The following LEF1 variants were observed in gnomAD, a reference collection of about 807,000 sequenced individuals.
The protein encoded by LEF1 is lymphoid enhancer binding factor 1.
LEF1 carries 14 observed loss-of-function variants against 51.2 expected under a neutral mutation model. That is an observed-to-expected ratio of 0.27 (90% CI 0.18 to 0.43). LEF1 has a LOEUF of 0.43. Ranked by LOEUF, LEF1 falls within the 20% of genes least tolerant of loss-of-function variation. The pLI is 1.00. For missense variants in LEF1, 386 were observed against 512.0 expected, an observed-to-expected ratio of 0.75 and a Z score of 2.37; for synonymous variants, 185 against 183.2, an observed-to-expected ratio of 1.01 and a Z score of -0.08.
At chr4:108,124,957 G>A (rs565690440) in intron 3 of LEF1, among the ~76,000 whole-genome samples, 3 of 152,036 alleles carry the variant, frequency 2.0e-5, no homozygotes, top group Non-Finnish European at 4.4e-5. Flanking sequence ...ATTCTTGACT[G>A]GTTATATCTG....
chr4:108,148,288 A>AC (rs5860902), intron 3 of LEF1, among the ~76,000 whole-genome samples: 121,517 of 151,188 alleles, frequency 0.8, 50,821 homozygotes, highest in East Asian at 0.95. Flanking sequence ...AAAAAAAAAA[A>AC]ATTTATCAAG....
In LEF1 at chr4:108,092,917, TAAAAAA is replaced by T. The variant is rs71592104; in HGVS notation, c.415-3666_415-3661del. On this transcript the variant is annotated intron_variant, in intron 3 of 11. Coordinates refer to ENST00000265165, the MANE Select transcript of LEF1 (RefSeq NM_016269.5). ...GTGGGTATTGGAAACAATGAATATGTAAAAAAAAAAAAAAAAAAAAAAAAAAAAAAA... is the reference window on the plus strand; with the variant it reads ...GTGGGTATTGGAAACAATGAATATGTAAAAAAAAAAAAAAAAAAAAAAAAA... 2.2e-4 allele frequency among the ~76,000 whole-genome samples: 7 copies of T among 31,142 alleles called. No individual in the cohort carries two copies. In the Middle Eastern group the frequency reaches 0.1, roughly 445 times the overall value. The allele number at this position is 31,142 out of a possible 152,430, so 20.4% of individuals were successfully genotyped here.
At chr4:108,059,295 T>C (rs1339864349) in intron 11 of LEF1, among the ~76,000 whole-genome samples, 8 of 152,204 alleles carry the variant, frequency 5.3e-5, no homozygotes, top group Admixed American at 5.2e-4. Flanking sequence ...TGGGAAGCAT[T>C]CCATGAAACC....
At chr4:108,166,052 A>G (rs1156741327) in intron 1 of LEF1, among the ~76,000 whole-genome samples, 1 of 152,118 alleles carries the variant, frequency 6.6e-6, no homozygotes, top group Non-Finnish European at 1.5e-5. Context: ...CAAATAGGAG[A>G]GTTTGGCAAA....
rs1169971346 is a variant in LEF1, at chr4:108,077,410, C to T, written c.1008+810G>A. 1.0e-4 allele frequency among the ~76,000 whole-genome samples: 15 copies of T among 146,522 alleles called. 1 individual carries two copies. The highest frequency in any genetic ancestry group is 3.5e-4 in the African/African-American group (14 of 39,998). On this transcript the variant is annotated intron_variant, in intron 8 of 11. Transcript: ENST00000265165. ...GTGAGGGGCACCTCTGCCCGGCTGCCGCCCCGTCTGGGAAGTGAGGGGCAC... is the reference window on the plus strand; with the variant it reads ...GTGAGGGGCACCTCTGCCCGGCTGCTGCCCCGTCTGGGAAGTGAGGGGCAC...
In LEF1 at chr4:108,079,499, T is replaced by C; in HGVS notation, c.838A>G (p.Met280Val). 1 of 1,614,070 alleles carries C rather than the reference T, an allele frequency of 6.2e-7. No homozygotes were observed. The highest frequency in any genetic ancestry group is 8.5e-7 in the Non-Finnish European group (1 of 1,179,986). The change falls in exon 7 of 12, where the codon ATG becomes GTG. Residue 280 changes from methionine to valine, a missense_variant. Around this residue, in one of 2 missense-constraint regions of LEF1, gnomAD observed 335 missense variants for 390.7 expected, o/e 0.86. Transcript: ENST00000265165. ...QEHPHTDSDL[M>V]HVKPQHEQRK... ...GCCCGGGTGGATACTTACACGTGCA[T>C]TAGGTCACTGTCAGTGTGGGGATGT...
intron 3 of LEF1, among the ~76,000 whole-genome samples, chr4:108,125,377 C>T (rs1163591210): frequency 6.6e-6 from 1 of 152,034 alleles, no homozygotes; most frequent in Non-Finnish European, 1.5e-5. Flanking sequence ...TGGCCAGGCT[C>T]ATCTAAAACC....
chr4:108,107,701 C>T (rs1313425490), intron 3 of LEF1, among the ~76,000 whole-genome samples: 2 of 152,100 alleles, frequency 1.3e-5, no homozygotes, highest in Non-Finnish European at 1.5e-5. Flanking sequence ...AACATTTTAG[C>T]TCTTCTGAAG....
At chr4:108,148,200 G>C (rs1744114621) in intron 3 of LEF1, among the ~76,000 whole-genome samples, 1 of 151,926 alleles carries the variant, frequency 6.6e-6, no homozygotes, top group Non-Finnish European at 1.5e-5. Context: ...CATTTCAAAT[G>C]CTCTATAAAT....
intron 3 of LEF1, among the ~76,000 whole-genome samples, chr4:108,136,885 A>G: frequency 6.6e-6 from 1 of 152,210 alleles, no homozygotes; most frequent in East Asian, 1.9e-4. Flanking sequence ...AAAACTAAAT[A>G]GCTACCAATA....
At chr4:108,124,695 A>C (rs1374456494) in intron 3 of LEF1, among the ~76,000 whole-genome samples, 1 of 152,106 alleles carries the variant, frequency 6.6e-6, no homozygotes, top group South Asian at 2.1e-4. Flanking sequence ...CGAAACATCC[A>C]AGTAGGAAAG....
chr4:108,167,539 G>GC lies in LEF1; in HGVS notation c.213+15dup. 1 of 1,613,006 alleles carries GC rather than the reference G, an allele frequency of 6.2e-7. No individual in the cohort carries two copies. The highest frequency in any genetic ancestry group is 1.1e-5 in the South Asian group (1 of 91,026). ...ACCCGCCACGCCTCTCGGAACTGGGGCAGCGGCCCGCTCACCTCGTGTCCG... is the reference window on the plus strand; with the variant it reads ...ACCCGCCACGCCTCTCGGAACTGGGGCCAGCGGCCCGCTCACCTCGTGTCCG... On this transcript the variant is annotated intron_variant, in intron 1 of 11. Coordinates refer to ENST00000265165, the MANE Select transcript of LEF1 (RefSeq NM_016269.5). This position sits in a 1 kb window ranked among gnomAD's most constrained non-coding sequence, Gnocchi z 5.7.
At chr4:108,119,358 C>G (rs1184841046) in intron 3 of LEF1, among the ~76,000 whole-genome samples, 1 of 151,738 alleles carries the variant, frequency 6.6e-6, no homozygotes, top group Non-Finnish European at 1.5e-5. Flanking sequence ...TTTGTTTTCA[C>G]TGACTAAACC....
chr4:108,109,065 G>A (rs926926337), intron 3 of LEF1, among the ~76,000 whole-genome samples: 2 of 152,156 alleles, frequency 1.3e-5, no homozygotes, highest in African/African-American at 4.8e-5. Context: ...GATAACAAAG[G>A]AGCTTGGCAG....
At chr4:108,051,725 A>G (rs1737004670) in intron 11 of LEF1, among the ~76,000 whole-genome samples, 1 of 150,976 alleles carries the variant, frequency 6.6e-6, no homozygotes, top group Non-Finnish European at 1.5e-5. Flanking sequence ...ACCCCACCCC[A>G]CCCCATATAA....
At chr4:108,102,084 G>C (rs1239338170) in intron 3 of LEF1, among the ~76,000 whole-genome samples, 2 of 150,088 alleles carry the variant, frequency 1.3e-5, no homozygotes, top group Admixed American at 1.3e-4. Flanking sequence ...AAAAAAGAAA[G>C]GACGGACTTA....
chr4:108,164,124 C>A (rs757769036), intron 2 of LEF1, among the ~76,000 whole-genome samples: 4 of 151,922 alleles, frequency 2.6e-5, no homozygotes, highest in Non-Finnish European at 5.9e-5. Context: ...GCCTTGTAGA[C>A]AAACTCAAAG....
intron 3 of LEF1, among the ~76,000 whole-genome samples, chr4:108,094,313 C>T (rs979548808): frequency 6.6e-6 from 1 of 152,168 alleles, no homozygotes; most frequent in Non-Finnish European, 1.5e-5. Flanking sequence ...GAAAACATGC[C>T]AAGGAAGCTT....
intron 5 of LEF1, 133 bp from the exon 6 acceptor site, chr4:108,081,802 T>C: frequency 1.5e-6 from 1 of 662,076 alleles, no homozygotes; most frequent in South Asian, 1.8e-5. Flanking sequence ...CCCGGGATTG[T>C]TTCAGAAACG....
Sources: gnomAD v4.1 joint callset for allele counts (sites outside exome capture counted in the v4.1 genomes callset) on GRCh38, gnomAD v4.1.1 for gene constraint, gnomAD v4.1.1 regional missense constraint, Gnocchi (gnomAD v3.1) non-coding constraint, MANE v1.5 for transcripts, NCBI Gene and HGNC (gene_info 2026-07-23, HGNC 2026-07-21) for gene names.